Variants in CECR2 observed in about 807,000 individuals in gnomAD.
The protein encoded by CECR2 is chromatin remodeling regulator CECR2.
In CECR2, 30 loss-of-function variants were observed where a neutral mutation model predicts 154.5. The ratio of observed to expected loss-of-function variants is 0.19; its 90% CI spans 0.15 to 0.26. CECR2 has a LOEUF of 0.26. CECR2 is among the 10% of genes least tolerant of loss of function. The pLI, the probability that CECR2 is intolerant of heterozygous loss-of-function variation, is 1.00. For synonymous variants in CECR2, 725 were observed against 683.7 expected (o/e 1.06, Z -0.94); for missense variants, 1,743 against 1,829.3 (o/e 0.95, Z 0.86).
chr22:17,397,153 G>A (rs1422163305), intron 1 of CECR2, among the ~76,000 whole-genome samples: 7 of 148,128 alleles, frequency 4.7e-5, no homozygotes, highest in Non-Finnish European at 9.0e-5. Flanking sequence ...ATTTATTTTT[G>A]TGAGACAGAT....
At chr22:17,455,688 A>C (rs1321614607) in intron 1 of CECR2, among the ~76,000 whole-genome samples, 1 of 152,200 alleles carries the variant, frequency 6.6e-6, no homozygotes, top group Non-Finnish European at 1.5e-5. Context: ...ATCTCGGCTC[A>C]CTGCAACCTC....
intron 1 of CECR2, among the ~76,000 whole-genome samples, chr22:17,394,473 C>G (rs1005796925): frequency 6.6e-6 from 1 of 151,948 alleles, no homozygotes; most frequent in African/African-American, 2.4e-5. Context: ...TTTTCTAAAG[C>G]TTTGAGCGTG....
At chr22:17,410,737 C>T (rs951783220) in intron 1 of CECR2, among the ~76,000 whole-genome samples, 3 of 152,206 alleles carry the variant, frequency 2.0e-5, no homozygotes, top group Non-Finnish European at 4.4e-5. Context: ...TGAGTCACCA[C>T]GCCTGGCCAA....
chr22:17,548,154 C>A lies in CECR2; in HGVS notation c.2867C>A (p.Pro956Gln). The stretch of plus-strand genomic sequence containing the variant: ...TTTTTTTTTTTTTTTGCAGCAGAGC[C>A]GTTGCCTGGCCTTGAAGAGAAACCA... Reference protein sequence around the residue: ...AQEPENDQAEPLPGLEEKPPG... With the variant: ...AQEPENDQAEQLPGLEEKPPG... The change falls in exon 17 of 19, where the codon CCG becomes CAG. Residue 956 changes from proline (P) to glutamine (Q), a missense_variant. Coordinates refer to ENST00000262608, the MANE Select transcript of CECR2 (RefSeq NM_001290047.2). 6.6e-7 allele frequency: 1 copy of A among 1,524,378 alleles called. No individual in the cohort carries two copies. Among genetic ancestry groups the A allele is most frequent in the Non-Finnish European group, 8.8e-7 (1 of 1,135,526 alleles). The allele number at this position is 1,524,378 out of a possible 1,614,324, so 94.4% of individuals were successfully genotyped here. A position where few individuals can be genotyped will look rare whatever the true frequency, so the allele number is the denominator to read the frequency against.
chr22:17,429,666 A>G (rs1009596500), intron 1 of CECR2, among the ~76,000 whole-genome samples: 3 of 152,328 alleles, frequency 2.0e-5, no homozygotes, highest in South Asian at 4.1e-4. Context: ...AAAAGGAACT[A>G]TACAGCGTTG....
chr22:17,524,383 A>ATTTC, intron 9 of CECR2, 112 bp downstream of exon 9: 1 of 666,364 alleles, frequency 1.5e-6, no homozygotes. Flanking sequence ...GTTTCCGGCA[A>ATTTC]TTTCTTTTTT....
At chr22:17,478,098 AAGAG>A (rs950178487) in intron 2 of CECR2, among the ~76,000 whole-genome samples, 1 of 152,190 alleles carries the variant, frequency 6.6e-6, no homozygotes, top group African/African-American at 2.4e-5. Flanking sequence ...ATAAAAAAAA[AAGAG>A]AGATGTGTAG....
chr22:17,459,782 C>T (rs746668058), intron 1 of CECR2, among the ~76,000 whole-genome samples: 1 of 152,226 alleles, frequency 6.6e-6, no homozygotes, highest in Non-Finnish European at 1.5e-5. Flanking sequence ...AAATCTTCAA[C>T]ACAGGAAACC....
chr22:17,477,426 C>T (rs1324080999), intron 1 of CECR2, among the ~76,000 whole-genome samples, 162 bp from the exon 2 acceptor site: 1 of 152,168 alleles, frequency 6.6e-6, no homozygotes, highest in Non-Finnish European at 1.5e-5. Context: ...AATCCGGTTG[C>T]TCTTCTCACA....
intron 1 of CECR2, among the ~76,000 whole-genome samples, chr22:17,466,547 C>T (rs1159035669): frequency 6.6e-6 from 1 of 151,544 alleles, no homozygotes; most frequent in Non-Finnish European, 1.5e-5. Context: ...AGAATGGAAA[C>T]CTGGTATCTG....
At chr22:17,378,602 T>C (rs2063148653) in intron 1 of CECR2, among the ~76,000 whole-genome samples, 1 of 152,336 alleles carries the variant, frequency 6.6e-6, no homozygotes, top group Non-Finnish European at 1.5e-5. Context: ...TTAAGATGTT[T>C]AGCAGTATTG....
At chr22:17,371,113 C>T (rs1350162931) in intron 1 of CECR2, among the ~76,000 whole-genome samples, 1 of 152,098 alleles carries the variant, frequency 6.6e-6, no homozygotes, top group Non-Finnish European at 1.5e-5. Flanking sequence ...GAGCTCTTTG[C>T]CTCACCTTTA....
chr22:17,454,768 A>G (rs960862050), intron 1 of CECR2, among the ~76,000 whole-genome samples: 4 of 152,194 alleles, frequency 2.6e-5, no homozygotes, highest in Non-Finnish European at 5.9e-5. Context: ...AGATTCCACA[A>G]AGTTTTAATT....
intron 1 of CECR2, chr22:17,424,396 G>A: frequency 5.2e-6 from 1 of 191,882 alleles, no homozygotes; most frequent in Non-Finnish European, 1.1e-5. Context: ...TCCCTCAATT[G>A]CAGACACACC....
chr22:17,474,673 C>T (rs866409110), intron 1 of CECR2, among the ~76,000 whole-genome samples: 13 of 152,114 alleles, frequency 8.5e-5, no homozygotes, highest in African/African-American at 1.4e-4. Context: ...GTGCCGAAGG[C>T]GGAGATGGAG....
intron 1 of CECR2, among the ~76,000 whole-genome samples, chr22:17,432,951 T>A (rs2054449049): frequency 6.6e-6 from 1 of 152,228 alleles, no homozygotes; most frequent in African/African-American, 2.4e-5. Flanking sequence ...GATGCTTTAT[T>A]GTTACCCATA....
chr22:17,510,013 G>C (rs2055914212), intron 7 of CECR2, among the ~76,000 whole-genome samples: 1 of 152,158 alleles, frequency 6.6e-6, no homozygotes, highest in South Asian at 2.1e-4. Flanking sequence ...AGGCGATGTA[G>C]ATACTGGTAG....
chr22:17,390,465 G>A (rs1342087129), intron 1 of CECR2, among the ~76,000 whole-genome samples: 1 of 152,188 alleles, frequency 6.6e-6, no homozygotes, highest in East Asian at 1.9e-4. Context: ...TAACAAGTAC[G>A]TTGTGGGGAG....
rs1218276588 is a variant in CECR2 at position 17,556,736 on chromosome 22, A to C, written c.*3896A>C. On this transcript the variant is annotated 3_prime_UTR_variant, in exon 19 of 19. Coordinates refer to ENST00000262608, the MANE Select transcript of CECR2 (RefSeq NM_001290047.2). ...GGTTTTCATAGAAAGGAAAGGCTGA[A>C]GGTTTTCTAGCATTGTTGCCCTTCT... 1 of 152,224 alleles carries C rather than the reference A, an allele frequency of 6.6e-6. No individual in the cohort carries two copies. Among genetic ancestry groups the C allele is most frequent in the East Asian group, 1.9e-4 (1 of 5,196 alleles). The allele number at this position is 152,224 out of a possible 1,614,324, so 9.4% of individuals were successfully genotyped here. A position where few individuals can be genotyped will look rare whatever the true frequency, so the allele number is the denominator to read the frequency against.
Sources: allele counts gnomAD v4.1 joint callset (sites outside exome capture counted in the v4.1 genomes callset), GRCh38; gene constraint gnomAD v4.1.1; transcripts MANE v1.5; gene names NCBI Gene and HGNC (gene_info 2026-07-23, HGNC 2026-07-21).